MMP26: variants seen among roughly 807,000 people sequenced by gnomAD.
MMP26 encodes matrix metallopeptidase 26.
MMP26 carries 33 observed loss-of-function variants against 31.0 expected under a neutral mutation model. That is an observed-to-expected ratio of 1.06 (90% confidence interval 0.81 to 1.42). The LOEUF (loss-of-function observed/expected upper bound fraction) is 1.42. Ranked by LOEUF, MMP26 falls within the 40% of genes most tolerant of loss-of-function variation. MMP26 has a pLI of 0.00. For missense variants in MMP26, 347 were observed against 316.1 expected, an observed-to-expected ratio of 1.10 and a Z score of -0.74; for synonymous variants, 122 against 114.9, an observed-to-expected ratio of 1.06 and a Z score of -0.40.
chr11:4,975,566 C>T (rs1470836937), intron 2 of MMP26, among the ~76,000 whole-genome samples: 1 of 152,046 alleles, frequency 6.6e-6, no homozygotes, highest in African/African-American at 2.4e-5. Flanking sequence ...GACGGAGGTT[C>T]AAAGTGTATT....
intron 2 of MMP26, among the ~76,000 whole-genome samples, chr11:4,784,554 A>C (rs1848909089): frequency 6.6e-6 from 1 of 152,226 alleles, no homozygotes; most frequent in Admixed American, 6.5e-5. Flanking sequence ...GGCCATGTGA[A>C]GATAAAAGCT....
At chr11:4,766,170 T>G (rs573953028) in intron 1 of MMP26, among the ~76,000 whole-genome samples, 1 of 152,344 alleles carries the variant, frequency 6.6e-6, no homozygotes, top group South Asian at 2.1e-4. Flanking sequence ...TTCTTCGGGT[T>G]ATAGTCTCTT....
At chr11:4,827,934 G>C (rs141935051) in intron 2 of MMP26, among the ~76,000 whole-genome samples, 3,398 of 151,838 alleles carry the variant, frequency 0.022, 105 homozygotes, top group African/African-American at 0.076. Flanking sequence ...TCTGGATCTG[G>C]AGACCAATTA....
At chr11:4,888,613 C>T (rs926746730) in intron 2 of MMP26, among the ~76,000 whole-genome samples, 15 of 152,138 alleles carry the variant, frequency 9.9e-5, no homozygotes, top group Middle Eastern at 3.4e-3. Flanking sequence ...TTTTAGTTGA[C>T]CATGGCTTAT....
At chr11:4,980,595 T>C (rs1846798846) in intron 2 of MMP26, among the ~76,000 whole-genome samples, 1 of 151,974 alleles carries the variant, frequency 6.6e-6, no homozygotes, top group East Asian at 1.9e-4. Flanking sequence ...AACGAAATAG[T>C]GAAAGCTGTG....
chr11:4,740,339 A>C (rs1848295529), intron 1 of MMP26, among the ~76,000 whole-genome samples: 1 of 152,184 alleles, frequency 6.6e-6, no homozygotes, highest in African/African-American at 2.4e-5. Flanking sequence ...GTTAATATTA[A>C]AAAACGGTGG....
chr11:4,927,586 A>G (rs1403765587), intron 2 of MMP26, among the ~76,000 whole-genome samples: 1 of 152,002 alleles, frequency 6.6e-6, no homozygotes, highest in Admixed American at 6.6e-5. Flanking sequence ...CTAGGGATCT[A>G]TGTGTTCTGA....
intron 2 of MMP26, chr11:4,803,662 G>C: frequency 6.2e-7 from 1 of 1,613,920 alleles, no homozygotes. Context: ...TGTGCTAAAA[G>C]CTTTGAGGCG....
chr11:4,862,079 A>C (rs906967619), intron 2 of MMP26, among the ~76,000 whole-genome samples: 8 of 152,074 alleles, frequency 5.3e-5, no homozygotes, highest in African/African-American at 1.9e-4. Context: ...ATATCCAGAT[A>C]TTTATGTTTT....
chr11:4,769,457 G>A (rs1848681140), intron 2 of MMP26: 1 of 1,612,512 alleles, frequency 6.2e-7, no homozygotes, highest in Non-Finnish European at 8.5e-7. Context: ...TAGTACTATA[G>A]CACGTGTAAT....
At chr11:4,856,195 T>C (rs577385923) in intron 2 of MMP26, among the ~76,000 whole-genome samples, 2 of 152,316 alleles carry the variant, frequency 1.3e-5, no homozygotes, top group African/African-American at 2.4e-5. Flanking sequence ...AACATCATAA[T>C]GACAGGATCA....
intron 2 of MMP26, among the ~76,000 whole-genome samples, chr11:4,940,340 GTC>G (rs1309201944): frequency 6.6e-6 from 1 of 152,054 alleles, no homozygotes; most frequent in African/African-American, 2.4e-5. Flanking sequence ...TGTACACTCT[GTC>G]TCTCCTTGAA....
At chr11:4,878,814 C>T (rs1293763042) in intron 2 of MMP26, among the ~76,000 whole-genome samples, 1 of 151,984 alleles carries the variant, frequency 6.6e-6, no homozygotes, top group Non-Finnish European at 1.5e-5. Flanking sequence ...TTTACTTATG[C>T]ATCTGAGCAT....
intron 1 of MMP26, chr11:4,736,402 C>T (rs1035824618): frequency 7.2e-5 from 11 of 152,100 alleles, no homozygotes; most frequent in Non-Finnish European, 1.5e-4. Context: ...TTATGCCGCT[C>T]CTCTGGGGAA....
intron 1 of MMP26, chr11:4,709,805 A>G (rs925987901): frequency 2.2e-6 from 1 of 457,514 alleles, no homozygotes; most frequent in East Asian, 7.0e-5. Flanking sequence ...GTCTTTCTAC[A>G]TTGACCACCA....
At chr11:4,921,316 A>G (rs924736844) in intron 2 of MMP26, among the ~76,000 whole-genome samples, 4 of 152,236 alleles carry the variant, frequency 2.6e-5, no homozygotes, top group Non-Finnish European at 4.4e-5. Flanking sequence ...AGAGAGAGGC[A>G]TACTGACTTT....
At chr11:4,725,289 C>A (rs1378869192) in intron 1 of MMP26, among the ~76,000 whole-genome samples, 1 of 152,158 alleles carries the variant, frequency 6.6e-6, no homozygotes. Flanking sequence ...ATAAAGATAA[C>A]AGCCTAAAAA....
At chr11:4,727,781 C>T (rs912648587) in intron 1 of MMP26, among the ~76,000 whole-genome samples, 16 of 152,154 alleles carry the variant, frequency 1.1e-4, no homozygotes, top group African/African-American at 3.4e-4. Flanking sequence ...TGCACTCCAT[C>T]CTGGGCAACA....
chr11:4,835,205 C>T (rs1488355891), intron 2 of MMP26, among the ~76,000 whole-genome samples: 1 of 145,992 alleles, frequency 6.8e-6, no homozygotes, highest in Non-Finnish European at 1.5e-5. Flanking sequence ...CTCTTTCTGA[C>T]ACACACACAC....
Sources: gnomAD v4.1 joint callset for allele counts (sites outside exome capture counted in the v4.1 genomes callset) on GRCh38, gnomAD v4.1.1 for gene constraint, MANE v1.5 for transcripts, NCBI Gene and HGNC (gene_info 2026-07-23, HGNC 2026-07-21) for gene names.